The following KANK1 variants were observed in gnomAD, a reference collection of about 807,000 sequenced individuals.
KANK1 encodes KN motif and ankyrin repeat domain-containing protein 1.
In KANK1, 109 loss-of-function variants were observed where a neutral mutation model predicts 106.2. The ratio of observed to expected loss-of-function variants is 1.03; its 90% CI spans 0.88 to 1.20. The LOEUF (loss-of-function observed/expected upper bound fraction) is 1.20. Ranked by LOEUF, KANK1 falls within the 50% of genes most tolerant of loss-of-function variation. The pLI, the probability that KANK1 is intolerant of heterozygous loss-of-function variation, is 0.00. For synonymous variants in KANK1, 873 were observed against 652.2 expected (o/e 1.34, Z -5.16); for missense variants, 2,399 against 1,710.7 (o/e 1.40, Z -7.10).
intron 1 of KANK1, among the ~76,000 whole-genome samples, chr9:616,833 A>G (rs939917903): frequency 2.0e-5 from 3 of 152,226 alleles, no homozygotes; most frequent in East Asian, 1.9e-4. Context: ...AAGCAAGGCA[A>G]AGTTCCACAC....
rs774732937 is a variant in KANK1 at position 713,285 on chromosome 9, T to C, written c.2519T>C (p.Leu840Pro). The C allele has an allele frequency of 1.4e-5, 23 of 1,613,790 alleles. No homozygotes were observed. The highest frequency in any genetic ancestry group is 1.9e-5 in the Non-Finnish European group (22 of 1,179,892). ...IQKLLAEQQT[L>P]LAENYSELAE... The stretch of plus-strand genomic sequence containing the variant: ...AAGCTGCTGGCAGAACAGCAGACAC[T>C]GCTGGCTGAGAACTACAGTGAACTG... The change falls in exon 3 of 12, where the codon CTG (leucine) becomes CCG (proline). Residue 840 changes from leucine (L) to proline (P), a missense_variant. Coordinates refer to ENST00000382297, the MANE Select transcript of KANK1 (RefSeq NM_015158.5).
upstream of KANK1, among the ~76,000 whole-genome samples, chr9:501,156 T>C (rs932800599): frequency 1.3e-5 from 2 of 152,162 alleles, no homozygotes; most frequent in African/African-American, 4.8e-5. Flanking sequence ...CTGGAAAATA[T>C]AAATGAAATT....
intron 1 of KANK1, among the ~76,000 whole-genome samples, chr9:612,010 G>T (rs757228093): frequency 2.0e-5 from 3 of 152,128 alleles, no homozygotes; most frequent in African/African-American, 7.2e-5. Flanking sequence ...GAGCCACCGC[G>T]CCCGGCCGAC....
intron 2 of KANK1, among the ~76,000 whole-genome samples, chr9:695,607 G>A (rs732119): frequency 0.76 from 112,876 of 148,952 alleles, 42,610 homozygotes; most frequent in Middle Eastern, 0.82. Context: ...CCCTGACTTC[G>A]TGGGGGGGGG....
intron 2 of KANK1, among the ~76,000 whole-genome samples, chr9:694,307 G>A (rs1215571123): frequency 6.6e-6 from 1 of 152,124 alleles, no homozygotes; most frequent in Non-Finnish European, 1.5e-5. Context: ...CTCCTTTTCT[G>A]CTTTTCACAG....
chr9:591,629 A>G (rs569945126), intron 1 of KANK1, among the ~76,000 whole-genome samples: 17 of 151,652 alleles, frequency 1.1e-4, no homozygotes, highest in East Asian at 9.6e-4. Flanking sequence ...GCACACGCGC[A>G]CACACACACA....
intron 1 of KANK1, among the ~76,000 whole-genome samples, chr9:557,245 A>G (rs1454820151): frequency 6.6e-6 from 1 of 151,994 alleles, no homozygotes; most frequent in Non-Finnish European, 1.5e-5. Flanking sequence ...TGATGTTCTT[A>G]TAAGTGAAAA....
chr9:571,206 T>C (rs1180351177), intron 1 of KANK1, among the ~76,000 whole-genome samples: 1 of 152,180 alleles, frequency 6.6e-6, no homozygotes, highest in African/African-American at 2.4e-5. Context: ...TGGTGTCATA[T>C]GTCTTCTCTG....
chr9:649,472 G>A (rs1840408230), intron 1 of KANK1, among the ~76,000 whole-genome samples: 1 of 152,194 alleles, frequency 6.6e-6, no homozygotes, highest in South Asian at 2.1e-4. Flanking sequence ...TCACTGAGCT[G>A]AGCTGATTTA....
chr9:550,586 A>C (rs1256906818), intron 1 of KANK1, among the ~76,000 whole-genome samples: 1 of 152,204 alleles, frequency 6.6e-6, no homozygotes, highest in Non-Finnish European at 1.5e-5. Context: ...CAGCCTCAGC[A>C]ACAGAGGGAG....
At position 533,562 on chromosome 9, in the gene KANK1, A is replaced by G. The variant is rs554355374; in HGVS notation, c.-84+28808A>G. On this transcript the variant is annotated intron_variant, in intron 1 of 11. Transcript: ENST00000382297. ...AACACTCTTAGACCATCTGATTTTT[A>G]TTTGACTTATCTGAATCCTGAATAG... Among the ~76,000 whole-genome samples the G allele has an allele frequency of 9.8e-5, 15 of 152,318 alleles. No homozygotes were observed. The East Asian group carries it at 2.7e-3, about 27-fold the overall frequency.
intron 2 of KANK1, among the ~76,000 whole-genome samples, chr9:709,449 T>A (rs1825295792): frequency 6.6e-6 from 1 of 152,180 alleles, no homozygotes; most frequent in Non-Finnish European, 1.5e-5. Flanking sequence ...ATCCCAGGCC[T>A]CCTGGTTATG....
chr9:712,878 C>G lies in KANK1; in HGVS notation c.2112C>G (p.Asp704Glu). ...SCTNTCLSTL[D>E]KQTSTQTVET... Reference sequence around the variant, plus strand: ...CCAACACTTGTCTAAGCACTTTGGACAAGCAGACCAGCACCCAGACTGTGG... The same window carrying G: ...CCAACACTTGTCTAAGCACTTTGGAGAAGCAGACCAGCACCCAGACTGTGG... Residue 704 changes from aspartate (D) to glutamate (E), a missense_variant, in exon 3 of 12, where the codon GAC (aspartate) becomes GAG (glutamate). Asp to Glu is a conservative substitution (Grantham distance 45, BLOSUM62 2). Coordinates refer to ENST00000382297, the MANE Select transcript of KANK1 (RefSeq NM_015158.5). The G allele has an allele frequency of 1.2e-6, 2 of 1,613,880 alleles. No individual in the cohort carries two copies. Among genetic ancestry groups the G allele is most frequent in the Non-Finnish European group, 1.7e-6 (2 of 1,179,984 alleles).
At chr9:516,433 A>G (rs565431828) in intron 1 of KANK1, among the ~76,000 whole-genome samples, 128 of 151,800 alleles carry the variant, frequency 8.4e-4, no homozygotes, top group Non-Finnish European at 1.2e-3. Flanking sequence ...ACTGCTGATG[A>G]AAGTTGTATA....
rs1835813545 is a variant in KANK1 at position 742,289 on chromosome 9, A to G, written c.3781A>G (p.Asn1261Asp). The G allele has an allele frequency of 6.2e-7, 1 of 1,613,998 alleles. No individual in the cohort carries two copies. Among genetic ancestry groups the G allele is most frequent in the South Asian group, 1.1e-5 (1 of 91,086 alleles). Residue 1261 changes from asparagine to aspartate, a missense_variant, in exon 10 of 12, where the codon AAC (asparagine) becomes GAC (aspartate). By Grantham distance (23) the Asn-to-Asp change is conservative. Transcript: ENST00000382297. Reference protein sequence around the residue: ...KGLLACGADVNIQDDEGSTAL... With the variant: ...KGLLACGADVDIQDDEGSTAL... Reference sequence around the variant, plus strand: ...CCTTCTGGCCTGTGGGGCTGATGTCAACATCCAGGATGACGAGGGCTCCAC... The same window carrying G: ...CCTTCTGGCCTGTGGGGCTGATGTCGACATCCAGGATGACGAGGGCTCCAC...
chr9:505,642 A>G (rs1032785664), intron 1 of KANK1, among the ~76,000 whole-genome samples: 2 of 152,188 alleles, frequency 1.3e-5, no homozygotes, highest in African/African-American at 2.4e-5. Flanking sequence ...CACGAGCGTG[A>G]CCTAGTGAAG....
At chr9:707,260 C>T (rs1160019011) in intron 2 of KANK1, 4 of 982,944 alleles carry the variant, frequency 4.1e-6, no homozygotes, top group Non-Finnish European at 4.8e-6. Context: ...AGGTGAGCTG[C>T]GAGCGGCGTG....
In KANK1 at chr9:607,024, G is replaced by A. The variant is rs377167575; in HGVS notation, c.-83-69866G>A. ...TGCCCACGGAAAACTGTGGGACTGG[G>A]ACTTGAATTCTAATTTTATGTTTTC... On this transcript the variant is annotated intron_variant, in intron 1 of 11. Transcript: ENST00000382297. Among the ~76,000 whole-genome samples the A allele has an allele frequency of 5.3e-5, 8 of 151,812 alleles. No individual in the cohort carries two copies. The South Asian group carries it at 1.5e-3, about 28-fold the overall frequency.
intron 1 of KANK1, among the ~76,000 whole-genome samples, chr9:573,805 C>G (rs772793383): frequency 2.7e-5 from 4 of 150,860 alleles, no homozygotes. Context: ...CTGAGAGTGA[C>G]TGATGTCAGA....
Sources: gnomAD v4.1 joint callset for allele counts (sites outside exome capture counted in the v4.1 genomes callset) on GRCh38, gnomAD v4.1.1 for gene constraint, MANE v1.5 for transcripts, NCBI Gene and HGNC (gene_info 2026-07-23, HGNC 2026-07-21) for gene names.